The following ZFAT variants were observed in gnomAD, a reference collection of about 807,000 sequenced individuals.
The protein encoded by ZFAT is zinc finger protein ZFAT.
In ZFAT, 64 loss-of-function variants were observed where a neutral mutation model predicts 117.7. The ratio of observed to expected loss-of-function variants is 0.54; its 90% CI spans 0.44 to 0.67. The LOEUF is 0.67. ZFAT is among the 30% of genes least tolerant of loss of function. ZFAT has a pLI of 0.00. For synonymous variants in ZFAT, 679 were observed against 615.0 expected, an observed-to-expected ratio of 1.10 and a Z score of -1.54; for missense variants, 1,433 against 1,584.5, an observed-to-expected ratio of 0.90 and a Z score of 1.62.
At chr8:134,712,031 CAGTT>C (rs1248084045) in intron 1 of ZFAT, among the ~76,000 whole-genome samples, 4 of 152,298 alleles carry the variant, frequency 2.6e-5, no homozygotes, top group Admixed American at 1.3e-4. Context: ...CAGGCGTGAT[CAGTT>C]AGCGCGTTCG....
chr8:134,732,560 G>C, the ZFAT span, among the ~76,000 whole-genome samples: 1 of 152,218 alleles, frequency 6.6e-6, no homozygotes, highest in African/African-American at 2.4e-5. Flanking sequence ...TAGAAAGAAA[G>C]AGAAAGGTAC....
intron 7 of ZFAT, 115 bp downstream of exon 7, chr8:134,600,321 T>A (rs1380174535): frequency 2.1e-6 from 2 of 950,602 alleles, no homozygotes; most frequent in East Asian, 4.8e-5. Context: ...AGGAGAAGGA[T>A]CTCTCTATGT....
At chr8:134,575,480 G>A (rs1825232801) in intron 10 of ZFAT, among the ~76,000 whole-genome samples, 1 of 152,232 alleles carries the variant, frequency 6.6e-6, no homozygotes, top group Non-Finnish European at 1.5e-5. Flanking sequence ...CCCCTCCAGA[G>A]TTCCCAGAAG....
chr8:134,741,483 C>T, the ZFAT span, among the ~76,000 whole-genome samples: 1 of 152,210 alleles, frequency 6.6e-6, no homozygotes, highest in African/African-American at 2.4e-5. Flanking sequence ...ACCGTTTTCA[C>T]ATTTCCTTTC....
the ZFAT span, among the ~76,000 whole-genome samples, chr8:134,720,474 TC>T: frequency 6.6e-6 from 1 of 152,320 alleles, no homozygotes; most frequent in East Asian, 1.9e-4. Context: ...TTGGCTGGAC[TC>T]CAAGAGTCTT....
chr8:134,528,212 C>G (rs566393585), intron 12 of ZFAT, among the ~76,000 whole-genome samples: 38 of 152,354 alleles, frequency 2.5e-4, no homozygotes, highest in African/African-American at 9.1e-4. Context: ...CACTTGCTTG[C>G]TTGGTGTGAC....
At chr8:134,488,721 G>C (rs958251289) in intron 15 of ZFAT, among the ~76,000 whole-genome samples, 1 of 152,054 alleles carries the variant, frequency 6.6e-6, no homozygotes, top group African/African-American at 2.4e-5. Flanking sequence ...AGGACAGGGG[G>C]CTTGTCCTGG....
intron 4 of ZFAT, among the ~76,000 whole-genome samples, chr8:134,610,176 G>T: frequency 6.7e-6 from 1 of 149,694 alleles, no homozygotes; most frequent in Admixed American, 6.5e-5. Context: ...GTGAGGGGAC[G>T]AAGAAAACTA....
At chr8:134,553,956 C>T (rs185978323) in intron 11 of ZFAT, among the ~76,000 whole-genome samples, 3 of 152,342 alleles carry the variant, frequency 2.0e-5, no homozygotes, top group Non-Finnish European at 4.4e-5. Flanking sequence ...TTCCATCAAA[C>T]CTGCACACTG....
the ZFAT span, among the ~76,000 whole-genome samples, chr8:134,725,899 G>A: frequency 2.4e-4 from 37 of 152,208 alleles, no homozygotes; most frequent in Middle Eastern, 3.4e-3. Flanking sequence ...ACCGTGTGGC[G>A]GTCAACTGTT....
intron 1 of ZFAT, among the ~76,000 whole-genome samples, chr8:134,663,621 C>T (rs775871384): frequency 6.6e-6 from 1 of 151,980 alleles, no homozygotes; most frequent in Non-Finnish European, 1.5e-5. Flanking sequence ...ACCTACAATC[C>T]CAGCTACTCG....
chr8:134,619,749 C>T (rs1828985676), intron 3 of ZFAT, among the ~76,000 whole-genome samples: 1 of 152,196 alleles, frequency 6.6e-6, no homozygotes, highest in African/African-American at 2.4e-5. Context: ...GGACGCTGCA[C>T]ATGCCACGGT....
chr8:134,791,238 T>C, the ZFAT span, among the ~76,000 whole-genome samples: 1 of 152,228 alleles, frequency 6.6e-6, no homozygotes, highest in Non-Finnish European at 1.5e-5. Context: ...CCTAAAGTCT[T>C]GGGTTCAGAC....
At chr8:134,567,253 C>A (rs1173674696) in intron 10 of ZFAT, among the ~76,000 whole-genome samples, 2 of 152,160 alleles carry the variant, frequency 1.3e-5, no homozygotes. Flanking sequence ...TACCCAGTAG[C>A]CTTCCTCAAA....
At chr8:134,734,398 T>C in the ZFAT span, among the ~76,000 whole-genome samples, 4,996 of 152,384 alleles carry the variant, frequency 0.033, 287 homozygotes, top group African/African-American at 0.11. Context: ...CCCCAGAGTG[T>C]CTGCATCCTG....
the ZFAT span, among the ~76,000 whole-genome samples, chr8:134,823,435 T>G: frequency 6.6e-6 from 1 of 152,228 alleles, no homozygotes; most frequent in African/African-American, 2.4e-5. Flanking sequence ...CAGGCATTCT[T>G]TTAAGTGCTT....
intron 2 of ZFAT, among the ~76,000 whole-genome samples, chr8:134,647,222 G>A (rs1454491112): frequency 6.6e-6 from 1 of 152,052 alleles, no homozygotes; most frequent in African/African-American, 2.4e-5. Flanking sequence ...CAACATATGT[G>A]TATAAATAAA....
chr8:134,586,497 C>G (rs1040887499), intron 9 of ZFAT, among the ~76,000 whole-genome samples: 1 of 152,234 alleles, frequency 6.6e-6, no homozygotes, highest in African/African-American at 2.4e-5. Flanking sequence ...TCTCTCACTT[C>G]TTCTCATGTG....
At chr8:134,712,524 A>G (rs1386521011) in intron 1 of ZFAT, among the ~76,000 whole-genome samples, 2 of 151,706 alleles carry the variant, frequency 1.3e-5, no homozygotes, top group Non-Finnish European at 1.5e-5. Context: ...CGGGATTCGA[A>G]CCTCGCGCCC....
Sources: allele counts gnomAD v4.1 joint callset (sites outside exome capture counted in the v4.1 genomes callset), GRCh38; gene constraint gnomAD v4.1.1; transcripts MANE v1.5; gene names NCBI Gene and HGNC (gene_info 2026-07-23, HGNC 2026-07-21).